The following NSFL1C variants were observed in gnomAD, a reference collection of about 807,000 sequenced individuals.
NSFL1C encodes the protein NSFL1 cofactor, also known as NSFL1 cofactor p47.
NSFL1C carries 14 observed loss-of-function variants against 43.1 expected under a neutral mutation model. That is an observed-to-expected ratio of 0.32 (90% CI 0.21 to 0.51). The LOEUF (loss-of-function observed/expected upper bound fraction) is 0.51. Ranked by LOEUF, NSFL1C falls within the 20% of genes least tolerant of loss-of-function variation. NSFL1C has a pLI of 0.98. For missense variants in NSFL1C, 406 were observed against 472.5 expected, an observed-to-expected ratio of 0.86 and a Z score of 1.30; for synonymous variants, 171 against 183.5, an observed-to-expected ratio of 0.93 and a Z score of 0.55.
intron 2 of NSFL1C, chr20:1,463,447 T>C (rs1474334851): frequency 6.6e-6 from 1 of 152,198 alleles, no homozygotes; most frequent in Non-Finnish European, 1.5e-5. Flanking sequence ...TTTCTCTGGA[T>C]GGGAGTTAGG....
chr20:1,461,669 A>G (rs926621590), intron 2 of NSFL1C, among the ~76,000 whole-genome samples: 2 of 152,170 alleles, frequency 1.3e-5, no homozygotes, highest in African/African-American at 4.8e-5. Context: ...CTGAATGTAG[A>G]AAACAGCCCT....
rs1568633392 is a variant in NSFL1C, at chr20:1,465,711, C to T, written c.105+1009G>A. The stretch of plus-strand genomic sequence containing the variant: ...TCCATAAAATGGGTCTAGTCTTTAC[C>T]TCATAGTGTTGCTAGGATCCAACGA... On this transcript the variant is annotated intron_variant, in intron 1 of 8. Transcript: ENST00000216879. Among the ~76,000 whole-genome samples the T allele has an allele frequency of 1.3e-5, 2 of 152,116 alleles. 1 individual carries two copies. The highest frequency in any genetic ancestry group is 2.9e-5 in the Non-Finnish European group (2 of 68,028).
chr20:1,447,742 G>A (rs922934256), intron 7 of NSFL1C, among the ~76,000 whole-genome samples: 4 of 145,732 alleles, frequency 2.7e-5, no homozygotes, highest in African/African-American at 1.1e-4. Context: ...AAGCTGTTAA[G>A]CCAAAATAGC....
In NSFL1C at chr20:1,464,301, T is replaced by C. The variant is rs373599426; in HGVS notation, c.203+28A>G. On this transcript the variant is annotated intron_variant, in intron 2 of 8. Transcript: ENST00000216879. ...TCCTCTTCACTGCTGGAAACACTCATGTAGCGATAATTGAAGCTGGCCCTT... is the reference window on the plus strand; with the variant it reads ...TCCTCTTCACTGCTGGAAACACTCACGTAGCGATAATTGAAGCTGGCCCTT... 12 of 1,590,898 alleles carry C rather than the reference T, an allele frequency of 7.5e-6. No homozygotes were observed. In the Admixed American group the frequency reaches 1.0e-4, roughly 13 times the overall value.
rs767583384 is a variant in NSFL1C, at chr20:1,454,263, C to T, written c.487G>A (p.Glu163Lys). 6.2e-7 allele frequency: 1 copy of T among 1,612,838 alleles called. No individual in the cohort carries two copies. Among genetic ancestry groups the T allele is most frequent in the Admixed American group, 1.7e-5 (1 of 60,034 alleles). Residue 163 changes from glutamate to lysine, a missense_variant, in exon 5 of 9, where the codon GAA (glutamate) becomes AAA (lysine). Glu to Lys is a moderately conservative substitution (Grantham distance 56). Coordinates refer to ENST00000216879, the MANE Select transcript of NSFL1C (RefSeq NM_016143.5). ...GGYRLGAAPE[E>K]ESAYVAGEKR... ...TCTCCTGCCACATAGGCAGACTCTT[C>T]CTCTGGTGCTGCCCCAAGGCGGTAG...
chr20:1,447,109 A>G (rs1166357378), intron 7 of NSFL1C, among the ~76,000 whole-genome samples: 1 of 152,220 alleles, frequency 6.6e-6, no homozygotes, highest in Non-Finnish European at 1.5e-5. Context: ...AAAAACATGG[A>G]CTTACAGAAT....
intron 1 of NSFL1C, among the ~76,000 whole-genome samples, chr20:1,464,914 C>T (rs2090479784): frequency 1.3e-5 from 2 of 152,174 alleles, no homozygotes; most frequent in Non-Finnish European, 2.9e-5. Context: ...TGCTAGTGTG[C>T]TTAGGCCCTC....
chr20:1,452,306 C>A (rs1018117863), intron 7 of NSFL1C, among the ~76,000 whole-genome samples, 187 bp downstream of exon 7: 1 of 152,216 alleles, frequency 6.6e-6, no homozygotes, highest in Non-Finnish European at 1.5e-5. Flanking sequence ...GAAAGTGAAG[C>A]AGAGATATAA....
intron 1 of NSFL1C, 49 bp from the exon 2 acceptor site, chr20:1,464,475 A>T: frequency 6.9e-7 from 1 of 1,443,006 alleles, no homozygotes; most frequent in South Asian, 1.1e-5. Context: ...GCCTTCACCT[A>T]ACGCACATCT....
At chr20:1,444,678 T>C (rs1386536529) in intron 8 of NSFL1C, among the ~76,000 whole-genome samples, 1 of 152,252 alleles carries the variant, frequency 6.6e-6, no homozygotes, top group Non-Finnish European at 1.5e-5. Context: ...ATTCTGCCTG[T>C]GACTTTTAGC....
intron 1 of NSFL1C, 126 bp downstream of exon 1, chr20:1,466,594 A>T (rs2090518069): frequency 1.1e-5 from 9 of 856,238 alleles, no homozygotes; most frequent in Non-Finnish European, 8.7e-6. Context: ...CGGGACCATG[A>T]GGCCTGGGTC....
At chr20:1,451,991 T>A (rs928726688) in intron 7 of NSFL1C, among the ~76,000 whole-genome samples, 6 of 152,334 alleles carry the variant, frequency 3.9e-5, no homozygotes, top group South Asian at 2.1e-4. Context: ...TGTCCCTGCA[T>A]CCTGAGCAAC....
chr20:1,451,922 C>T (rs1228615488), intron 7 of NSFL1C, among the ~76,000 whole-genome samples: 1 of 152,222 alleles, frequency 6.6e-6, no homozygotes, highest in Admixed American at 6.5e-5. Flanking sequence ...GAAATAAGAG[C>T]TGCTGAGCTG....
rs187568614 is a variant in NSFL1C at position 1,457,136 on chromosome 20, T to C, written c.278+1064A>G. On this transcript the variant is annotated intron_variant, in intron 3 of 8. Coordinates refer to ENST00000216879, the MANE Select transcript of NSFL1C (RefSeq NM_016143.5). ...TAAAAACAAATAGTTGATGGGTACA[T>C]GTCTATTGGGGGAAATATACACTTA... 2.6e-5 allele frequency: 4 copies of C among 152,320 alleles called. No individual in the cohort carries two copies. In the East Asian group the frequency reaches 7.7e-4, roughly 29 times the overall value. The allele number at this position is 152,320 out of a possible 1,614,324, so 9.4% of individuals were successfully genotyped here.
chr20:1,465,114 G>A (rs2090483701), intron 1 of NSFL1C, among the ~76,000 whole-genome samples: 2 of 152,206 alleles, frequency 1.3e-5, no homozygotes, highest in African/African-American at 4.8e-5. Context: ...ACATACAGAA[G>A]GAATATGGGA....
At chr20:1,462,833 C>T (rs1042711634) in intron 2 of NSFL1C, among the ~76,000 whole-genome samples, 4 of 152,048 alleles carry the variant, frequency 2.6e-5, no homozygotes, top group Non-Finnish European at 1.5e-5. Flanking sequence ...ACTTTTATGC[C>T]TATTCTTAAA....
chr20:1,457,442 A>T (rs1439860432), intron 3 of NSFL1C, among the ~76,000 whole-genome samples: 1 of 152,222 alleles, frequency 6.6e-6, no homozygotes, highest in Admixed American at 6.5e-5. Context: ...TTGTGGTGAG[A>T]ACACTTGAAA....
At position 1,442,752 on chromosome 20, in the gene NSFL1C, C is replaced by A. The variant is rs953104486; in HGVS notation, c.*997G>T. 6.6e-6 allele frequency: 1 copy of A among 152,198 alleles called. No homozygotes were observed. Among genetic ancestry groups the A allele is most frequent in the Non-Finnish European group, 1.5e-5 (1 of 68,044 alleles). The allele number at this position is 152,198 out of a possible 1,614,324, so 9.4% of individuals were successfully genotyped here. On this transcript the variant is annotated 3_prime_UTR_variant, in exon 9 of 9. Coordinates refer to ENST00000216879, the MANE Select transcript of NSFL1C (RefSeq NM_016143.5). ...TAGTGACACTCACTTCCAAAACATA[C>A]CCAGCAGAAGCCTCCTGCAAGTACC...
At chr20:1,455,710 C>G (rs765938109) in intron 3 of NSFL1C, 5 of 779,584 alleles carry the variant, frequency 6.4e-6, no homozygotes, top group African/African-American at 1.7e-5. Context: ...CATGCCCTAC[C>G]TACCTGCTCC....
Sources: gnomAD v4.1 joint callset for allele counts (sites outside exome capture counted in the v4.1 genomes callset) on GRCh38, gnomAD v4.1.1 for gene constraint, MANE v1.5 for transcripts, NCBI Gene and HGNC (gene_info 2026-07-23, HGNC 2026-07-21) for gene names.